The following CELF2 variants were observed in gnomAD, a reference collection of about 807,000 sequenced individuals.
CELF2 encodes CUGBP Elav-like family member 2, also known as CUG triplet repeat RNA-binding protein 2.
A neutral mutation model predicts 62.6 loss-of-function variants in CELF2; 8 were observed. The ratio of observed to expected loss-of-function variants is 0.13; its 90% CI spans 0.07 to 0.23. The LOEUF is 0.23. Ranked by LOEUF, CELF2 falls within the 10% of genes least tolerant of loss-of-function variation. The pLI is 1.00. For synonymous variants in CELF2, 258 were observed against 250.0 expected, an observed-to-expected ratio of 1.03 and a Z score of -0.30; for missense variants, 333 against 671.0, an observed-to-expected ratio of 0.50 and a Z score of 5.56.
chr10:11,179,165 A>G (rs2072358966), intron 2 of CELF2, among the ~76,000 whole-genome samples: 1 of 152,224 alleles, frequency 6.6e-6, no homozygotes, highest in Non-Finnish European at 1.5e-5. Context: ...TGTGTGTTCC[A>G]TATGACCTTA....
chr10:10,855,323 C>T (rs995569913), intron 1 of CELF2, among the ~76,000 whole-genome samples: 5 of 152,164 alleles, frequency 3.3e-5, no homozygotes, highest in African/African-American at 1.2e-4. Flanking sequence ...GATGTGGTAC[C>T]AAAGTGACAC....
chr10:10,552,545 A>G, the CELF2 span, among the ~76,000 whole-genome samples: 1 of 152,190 alleles, frequency 6.6e-6, no homozygotes, highest in Non-Finnish European at 1.5e-5. Flanking sequence ...AGGATAAAAA[A>G]GCTAAATGTT....
chr10:10,696,989 G>A, the CELF2 span, among the ~76,000 whole-genome samples: 11 of 152,142 alleles, frequency 7.2e-5, no homozygotes, highest in African/African-American at 1.2e-4. Context: ...GTTCCTATTC[G>A]GCCATCTTGC....
the CELF2 span, among the ~76,000 whole-genome samples, chr10:10,534,926 A>G: frequency 1.3e-5 from 2 of 152,220 alleles, no homozygotes; most frequent in African/African-American, 4.8e-5. Context: ...AAATCTGTCT[A>G]TGCAAATATA....
Position 11,223,415 on chromosome 10 carries a change from C to G in CELF2, c.354+5908C>G, listed in dbSNP as rs968981893. On this transcript the variant is annotated intron_variant, in intron 3 of 12. Transcript: ENST00000633077. The surrounding 1 kb of genome is among the most constrained non-coding windows in gnomAD (Gnocchi z 5.1). ...CTGCGGAATGTGTCAGTCAGGACAT[C>G]CATTTGGTGCAGATGCTTCAGATGT... is the stretch of plus-strand genomic sequence containing the variant. Among the ~76,000 whole-genome samples, 2 of 152,174 alleles carry G rather than the reference C, an allele frequency of 1.3e-5. No individual in the cohort carries two copies. The highest frequency in any genetic ancestry group is 4.8e-5 in the African/African-American group (2 of 41,426).
chr10:10,979,308 A>G (rs1037136951), intron 2 of CELF2, among the ~76,000 whole-genome samples: 5 of 152,224 alleles, frequency 3.3e-5, no homozygotes, highest in Non-Finnish European at 7.3e-5. Context: ...TTATAAATCT[A>G]AGAAGGAATG....
chr10:11,304,332 A>AC (rs1168925450), intron 9 of CELF2, among the ~76,000 whole-genome samples: 1 of 151,978 alleles, frequency 6.6e-6, no homozygotes, highest in Admixed American at 6.6e-5. Flanking sequence ...ACAAAAACCC[A>AC]CCCAGACCAT....
At chr10:11,189,941 C>T (rs1191059048) in intron 2 of CELF2, among the ~76,000 whole-genome samples, 1 of 152,156 alleles carries the variant, frequency 6.6e-6, no homozygotes, top group Non-Finnish European at 1.5e-5. Context: ...ATTTCCATTC[C>T]TACAGATTTG....
chr10:10,525,458 A>G, the CELF2 span, among the ~76,000 whole-genome samples: 2 of 152,144 alleles, frequency 1.3e-5, no homozygotes, highest in African/African-American at 4.8e-5. Context: ...GGAAGCCAAA[A>G]GATTGAACAT....
the CELF2 span, among the ~76,000 whole-genome samples, chr10:10,661,582 G>A: frequency 6.6e-6 from 1 of 152,210 alleles, no homozygotes; most frequent in Non-Finnish European, 1.5e-5. Context: ...ACACCTATCT[G>A]CATTTTTAAC....
At chr10:11,265,664 T>C (rs2082003669) in intron 5 of CELF2, among the ~76,000 whole-genome samples, 1 of 152,244 alleles carries the variant, frequency 6.6e-6, no homozygotes, top group Admixed American at 6.5e-5. Context: ...CAATGAGCCA[T>C]GTAGTTGGAG....
At chr10:10,538,591 C>T in the CELF2 span, among the ~76,000 whole-genome samples, 2 of 152,176 alleles carry the variant, frequency 1.3e-5, no homozygotes, top group Non-Finnish European at 2.9e-5. Flanking sequence ...CCCCTATCCC[C>T]TGCCCAAACA....
chr10:10,481,353 T>G, the CELF2 span, among the ~76,000 whole-genome samples: 5 of 152,272 alleles, frequency 3.3e-5, no homozygotes, highest in Admixed American at 2.0e-4. Context: ...TTTTCCATCA[T>G]GTACCTAGTA....
At chr10:10,998,380 C>T (rs904314174) in intron 2 of CELF2, among the ~76,000 whole-genome samples, 9 of 152,184 alleles carry the variant, frequency 5.9e-5, no homozygotes, top group African/African-American at 2.2e-4. Context: ...TTTTGGGGAT[C>T]ATAACTTAGT....
rs1248387088 is a variant in CELF2 at position 11,207,455 on chromosome 10, C to A, written c.272-9970C>A. ...GAGTTGGAGGGAAGGTATGGGGTTG[C>A]CAGGGACCCCAGTGAGATCATTGTT... is the stretch of plus-strand genomic sequence containing the variant. On this transcript the variant is annotated intron_variant, in intron 2 of 12. Transcript: ENST00000633077. The surrounding 1 kb of genome is among the most constrained non-coding windows in gnomAD (Gnocchi z 4.1). 6.6e-6 allele frequency among the ~76,000 whole-genome samples: 1 copy of A among 152,150 alleles called. No individual in the cohort carries two copies. The highest frequency in any genetic ancestry group is 1.5e-5 in the Non-Finnish European group (1 of 68,014).
rs576436312 is a variant in CELF2, at chr10:10,854,089, T to G, written c.53+55272T>G. 2.0e-5 allele frequency among the ~76,000 whole-genome samples: 3 copies of G among 152,344 alleles called. No individual in the cohort carries two copies. The South Asian group carries it at 6.2e-4, about 32-fold the overall frequency. ...AATGCACATTTTCCTGGTGTAAATA[T>G]GTATTTTACACATTACTTGCAAAAT... On this transcript the variant is annotated intron_variant, in intron 1 of 13. Coordinates refer to the CELF2 transcript ENST00000636488.
the CELF2 span, among the ~76,000 whole-genome samples, chr10:10,696,947 G>A: frequency 0.23 from 34,512 of 152,134 alleles, 4,123 homozygotes; most frequent in South Asian, 0.43. Flanking sequence ...CGTCTTCTGC[G>A]TCGCTCACGC....
At chr10:10,539,942 CA>C in the CELF2 span, among the ~76,000 whole-genome samples, 1 of 152,158 alleles carries the variant, frequency 6.6e-6, no homozygotes, top group African/African-American at 2.4e-5. Context: ...GGAAGACTGC[CA>C]GGGGTAGTTC....
chr10:11,214,016 G>A lies in CELF2; in HGVS notation c.272-3409G>A, dbSNP rs1000078226. ...TGATGAGACTAGGCCGGGCACAGTA[G>A]CTCATGCCTATAGTCTAAGGGCTTT... is the stretch of plus-strand genomic sequence containing the variant. On this transcript the variant is annotated intron_variant, in intron 2 of 12. Coordinates refer to ENST00000633077, the MANE Select transcript of CELF2 (RefSeq NM_001326342.2). This position sits in a 1 kb window ranked among gnomAD's most constrained non-coding sequence, Gnocchi z 4.2. 3.3e-5 allele frequency among the ~76,000 whole-genome samples: 5 copies of A among 152,298 alleles called. No individual in the cohort carries two copies. Among genetic ancestry groups the A allele is most frequent in the Admixed American group, 2.6e-4 (4 of 15,300 alleles).
Sources: allele counts gnomAD v4.1 joint callset (sites outside exome capture counted in the v4.1 genomes callset), GRCh38; gene constraint gnomAD v4.1.1; non-coding constraint Gnocchi (gnomAD v3.1); transcripts MANE v1.5; gene names NCBI Gene and HGNC (gene_info 2026-07-23, HGNC 2026-07-21).